BRD4: variants seen among roughly 807,000 people sequenced by gnomAD.
BRD4 encodes bromodomain containing 4.
Under a neutral mutation model 142.1 loss-of-function variants are expected in BRD4, and 16 were observed. The ratio of observed to expected loss-of-function variants is 0.11; its 90% CI spans 0.08 to 0.17. The LOEUF is 0.17. BRD4 is among the 10% of genes least tolerant of loss of function. The pLI, the probability that BRD4 is intolerant of heterozygous loss-of-function variation, is 1.00. For missense variants in BRD4, 1,424 were observed against 1,810.9 expected, an observed-to-expected ratio of 0.79 and a Z score of 3.88; for synonymous variants, 833 against 707.5, an observed-to-expected ratio of 1.18 and a Z score of -2.82.
chr19:15,323,467 T>C (rs1334881579), intron 1 of BRD4, among the ~76,000 whole-genome samples: 1 of 152,144 alleles, frequency 6.6e-6, no homozygotes, highest in African/African-American at 2.4e-5. Context: ...AAAATATGTT[T>C]CCTCAAACAG....
rs117117647 is a variant in BRD4 at position 15,272,407 on chromosome 19, A to T, written c.285+408T>A. Reference sequence around the variant, plus strand: ...TAGGTGACCACTACTGCAGCAAGCCAATTCCCCTCTAGCATAGTTTGATCA... The same window carrying T: ...TAGGTGACCACTACTGCAGCAAGCCTATTCCCCTCTAGCATAGTTTGATCA... On this transcript the variant is annotated intron_variant, in intron 2 of 19. Transcript: ENST00000679869. Among the ~76,000 whole-genome samples the T allele has an allele frequency of 3.5e-4, 54 of 152,226 alleles. 1 individual carries two copies. In the East Asian group the frequency reaches 0.01, roughly 30 times the overall value.
intron 1 of BRD4, among the ~76,000 whole-genome samples, chr19:15,302,933 G>A (rs1329506573): frequency 6.7e-6 from 1 of 149,140 alleles, no homozygotes. Context: ...GCGTGAACCC[G>A]GGAGGCGGAG....
At chr19:15,272,239 G>A (rs117875847) in intron 2 of BRD4, among the ~76,000 whole-genome samples, 1 of 152,248 alleles carries the variant, frequency 6.6e-6, no homozygotes, top group East Asian at 1.9e-4. Flanking sequence ...GTAGCCAGAG[G>A]GAGGGAGGGC....
intron 11 of BRD4, chr19:15,246,911 C>A (rs2047292843): frequency 5.8e-6 from 1 of 172,072 alleles, no homozygotes; most frequent in African/African-American, 2.4e-5. Flanking sequence ...GGTAGAGGTA[C>A]CCCCTTCTGG....
At chr19:15,279,371 C>T (rs917529816) in intron 1 of BRD4, among the ~76,000 whole-genome samples, 7 of 152,164 alleles carry the variant, frequency 4.6e-5, no homozygotes, top group Non-Finnish European at 4.4e-5. Context: ...AAAACCAGCT[C>T]AGAAAGTTTG....
chr19:15,248,850 G>A (rs1416729941), intron 11 of BRD4: 1 of 313,566 alleles, frequency 3.2e-6, no homozygotes, highest in African/African-American at 2.1e-5. Context: ...GTTCAGGAGG[G>A]AAGTAGTTAG....
chr19:15,279,692 C>A (rs1391140928), intron 1 of BRD4, among the ~76,000 whole-genome samples: 1 of 152,154 alleles, frequency 6.6e-6, no homozygotes. Flanking sequence ...AAGAGAAAGA[C>A]CACAAACAAC....
intron 11 of BRD4, 88 bp downstream of exon 11, chr19:15,254,064 G>T: frequency 8.8e-7 from 1 of 1,130,934 alleles, no homozygotes; most frequent in Non-Finnish European, 1.3e-6. Flanking sequence ...CCGTCTCTGG[G>T]CTCTAGCATC....
At chr19:15,300,838 G>A (rs1033839864) in intron 1 of BRD4, among the ~76,000 whole-genome samples, 10 of 152,112 alleles carry the variant, frequency 6.6e-5, no homozygotes, top group Non-Finnish European at 1.5e-4. Context: ...TGATGAGGGC[G>A]AAAAATGATG....
chr19:15,264,902 G>T, intron 5 of BRD4, 136 bp from the exon 6 acceptor site: 1 of 1,372,018 alleles, frequency 7.3e-7, no homozygotes, highest in Non-Finnish European at 9.9e-7. Flanking sequence ...TAATTGCACA[G>T]GCAAAGGGCC....
At chr19:15,312,806 G>T (rs1275805371) in intron 1 of BRD4, among the ~76,000 whole-genome samples, 1 of 151,114 alleles carries the variant, frequency 6.6e-6, no homozygotes, top group South Asian at 2.1e-4. Context: ...GTGGGGGCGC[G>T]TGCCTGTAAT....
intron 1 of BRD4, among the ~76,000 whole-genome samples, chr19:15,298,527 A>T (rs1011162431): frequency 9.4e-5 from 14 of 148,962 alleles, no homozygotes; most frequent in Non-Finnish European, 3.0e-5. Flanking sequence ...AGGCTGAAGC[A>T]GAAGAATCAC....
chr19:15,274,542 T>A (rs544274235), intron 1 of BRD4, among the ~76,000 whole-genome samples: 38 of 152,122 alleles, frequency 2.5e-4, no homozygotes, highest in Non-Finnish European at 1.2e-4. Flanking sequence ...ACACGCCAGG[T>A]AAGTGATGGC....
intron 7 of BRD4, among the ~76,000 whole-genome samples, chr19:15,261,915 G>A (rs966726559): frequency 2.1e-5 from 3 of 143,572 alleles, no homozygotes; most frequent in African/African-American, 8.7e-5. Flanking sequence ...AAAAAAAGTA[G>A]AAATAAAAAG....
At chr19:15,270,654 G>A (rs548850980) in intron 2 of BRD4, among the ~76,000 whole-genome samples, 1 of 152,312 alleles carries the variant, frequency 6.6e-6, no homozygotes, top group African/African-American at 2.4e-5. Flanking sequence ...GGATAGTACG[G>A]TTTGGGGCCA....
intron 1 of BRD4, chr19:15,275,706 A>G (rs2047639235): frequency 6.6e-6 from 1 of 152,206 alleles, no homozygotes; most frequent in African/African-American, 2.4e-5. Flanking sequence ...TCTGAAGATA[A>G]CCAATGAAAG....
chr19:15,243,824 T>A (rs1439171330), intron 13 of BRD4, among the ~76,000 whole-genome samples: 1 of 151,850 alleles, frequency 6.6e-6, no homozygotes, highest in Non-Finnish European at 1.5e-5. Flanking sequence ...TGTCCCCATA[T>A]CCCCCAGGTG....
Position 15,240,115 on chromosome 19 carries a change from G to A in BRD4, c.3170-93C>T. 3 of 1,482,272 alleles carry A rather than the reference G, an allele frequency of 2.0e-6. No homozygotes were observed. The South Asian group carries it at 4.1e-5, about 20-fold the overall frequency. 91.8% of individuals were successfully genotyped at this position (1,482,272 alleles called of 1,614,324 possible). On this transcript the variant is annotated intron_variant, in intron 14 of 19. Coordinates refer to ENST00000679869, the MANE Select transcript of BRD4 (RefSeq NM_001379291.1). ...GGAAGGAAAACGTGGGCTGTATGGA[G>A]AAACTGCATGTGCCGCCCAGGCCCT...
chr19:15,245,016 A>C (rs1388261140), intron 11 of BRD4: 3 of 628,314 alleles, frequency 4.8e-6, no homozygotes, highest in Admixed American at 3.1e-5. Context: ...GCCAAGCTTC[A>C]GATCACCACG....
Sources: allele counts gnomAD v4.1 joint callset (sites outside exome capture counted in the v4.1 genomes callset), GRCh38; gene constraint gnomAD v4.1.1; transcripts MANE v1.5; gene names NCBI Gene and HGNC (gene_info 2026-07-23, HGNC 2026-07-21).